The following CDH13 variants were observed in gnomAD, a reference collection of about 807,000 sequenced individuals.
CDH13 encodes cadherin 13.
A neutral mutation model predicts 63.8 loss-of-function variants in CDH13; 24 were observed. That is an observed-to-expected ratio of 0.38 (90% CI 0.27 to 0.53). CDH13 has a LOEUF of 0.53. CDH13 is among the 20% of genes least tolerant of loss of function. The pLI is 0.85. For synonymous variants in CDH13, 503 were observed against 355.3 expected (o/e 1.42, Z -4.67); for missense variants, 1,049 against 903.1 (o/e 1.16, Z -2.07).
At chr16:82,765,740 C>T (rs891171621) in intron 1 of CDH13, among the ~76,000 whole-genome samples, 1 of 152,148 alleles carries the variant, frequency 6.6e-6, no homozygotes, top group Non-Finnish European at 1.5e-5. Flanking sequence ...CAGTCTAACT[C>T]TCTGAGTGTC....
chr16:83,485,794 T>G (rs376182045), intron 6 of CDH13, among the ~76,000 whole-genome samples: 174 of 152,310 alleles, frequency 1.1e-3, no homozygotes, highest in African/African-American at 4.1e-3. Context: ...TGCCTCTTTG[T>G]ACTCCTGTTT....
chr16:83,476,983 T>C (rs532490809), intron 6 of CDH13, among the ~76,000 whole-genome samples: 3 of 152,330 alleles, frequency 2.0e-5, no homozygotes, highest in Admixed American at 1.3e-4. Context: ...AAAATCTTAC[T>C]GTCGAAGTCT....
intron 7 of CDH13, among the ~76,000 whole-genome samples, chr16:83,572,758 T>C (rs955108789): frequency 7.9e-5 from 12 of 152,248 alleles, no homozygotes; most frequent in African/African-American, 2.9e-4. Flanking sequence ...ACCCAAAATA[T>C]GCTTTGGAAA....
intron 3 of CDH13, among the ~76,000 whole-genome samples, chr16:83,084,013 A>T (rs1389419963): frequency 6.6e-6 from 1 of 152,180 alleles, no homozygotes; most frequent in African/African-American, 2.4e-5. Flanking sequence ...GCTGCTGTGG[A>T]CCTATCATAA....
intron 6 of CDH13, among the ~76,000 whole-genome samples, chr16:83,352,047 C>A (rs2090961611): frequency 6.6e-6 from 1 of 152,142 alleles, no homozygotes; most frequent in South Asian, 2.1e-4. Context: ...TGGCCCCTTT[C>A]CTTAGGTCAT....
chr16:83,180,868 A>T (rs2038326162), intron 4 of CDH13: 1 of 1,519,650 alleles, frequency 6.6e-7, no homozygotes, highest in Non-Finnish European at 8.8e-7. Context: ...TTTTTCTTAC[A>T]GAGAACCCAC....
chr16:83,344,810 T>C, intron 5 of CDH13, 52 bp from the exon 6 acceptor site: 1 of 1,593,654 alleles, frequency 6.3e-7, no homozygotes, highest in Admixed American at 1.7e-5. Context: ...TTATTTGAAT[T>C]TTCATAATGA....
At chr16:83,328,984 T>C (rs1472104086) in intron 5 of CDH13, among the ~76,000 whole-genome samples, 3 of 152,138 alleles carry the variant, frequency 2.0e-5, no homozygotes, top group Admixed American at 1.3e-4. Context: ...TATGCCTAGG[T>C]AGTCAAATTT....
At chr16:83,794,590 G>C (rs1261325719) in intron 13 of CDH13, among the ~76,000 whole-genome samples, 1 of 151,536 alleles carries the variant, frequency 6.6e-6, no homozygotes, top group Non-Finnish European at 1.5e-5. Flanking sequence ...ACCACCAATA[G>C]GTATCTTGCT....
intron 11 of CDH13, among the ~76,000 whole-genome samples, chr16:83,749,449 A>G (rs1401996304): frequency 6.6e-6 from 1 of 152,212 alleles, no homozygotes; most frequent in East Asian, 1.9e-4. Context: ...CAAAACTAGA[A>G]GGGGGCACAG....
intron 2 of CDH13, among the ~76,000 whole-genome samples, chr16:83,015,377 A>T (rs933064622): frequency 1.3e-5 from 2 of 151,788 alleles, no homozygotes; most frequent in African/African-American, 2.4e-5. Context: ...CTCCACCCTC[A>T]AAGTTCCTTG....
chr16:83,081,670 T>C (rs2033259049), intron 3 of CDH13, among the ~76,000 whole-genome samples: 1 of 151,998 alleles, frequency 6.6e-6, no homozygotes, highest in South Asian at 2.1e-4. Context: ...GCCTTTTCAT[T>C]GTAAACTCAC....
In CDH13 at chr16:82,853,401, A is replaced by C. The variant is rs2039571248; in HGVS notation, c.46-4961A>C. Among the ~76,000 whole-genome samples the C allele has an allele frequency of 2.0e-5, 3 of 152,236 alleles. No homozygotes were observed. The South Asian group carries it at 6.2e-4, about 32-fold the overall frequency. ...GAATCATGAATATGGATTTAAATAT[A>C]ATACATAGAAATAATAATAGCAAGC... On this transcript the variant is annotated intron_variant, in intron 1 of 13. Transcript: ENST00000567109.
chr16:82,694,030 A>C (rs371112577), intron 1 of CDH13, among the ~76,000 whole-genome samples: 15 of 152,386 alleles, frequency 9.8e-5, no homozygotes, highest in African/African-American at 3.1e-4. Context: ...CAATGTCCAC[A>C]TCTGGATTAA....
At chr16:83,451,304 G>T (rs937625232) in intron 6 of CDH13, among the ~76,000 whole-genome samples, 3 of 152,142 alleles carry the variant, frequency 2.0e-5, no homozygotes. Flanking sequence ...ATGGCAGCAG[G>T]CAAGAGAAAG....
chr16:82,827,102 C>G (rs1279920137), intron 1 of CDH13, among the ~76,000 whole-genome samples: 2 of 152,200 alleles, frequency 1.3e-5, no homozygotes, highest in South Asian at 2.1e-4. Flanking sequence ...TCAGGCAACA[C>G]AGCCTTAGCC....
At position 82,858,352 on chromosome 16, in the gene CDH13, G is replaced by C. The variant is rs764213294; in HGVS notation, c.46-10G>C. The C allele has an allele frequency of 9.4e-6, 15 of 1,596,618 alleles. No individual in the cohort carries two copies. The East Asian group carries it at 3.4e-4, about 36-fold the overall frequency. ...CGCTATTAAAATATTGATGGCTTTG[G>C]TTTTCTCAGGTGCTGCTGCTAACAT... On this transcript the variant is annotated splice_polypyrimidine_tract_variant and intron_variant, in intron 1 of 13. Coordinates refer to ENST00000567109, the MANE Select transcript of CDH13 (RefSeq NM_001257.5).
rs114124042 is a variant in CDH13, at chr16:83,437,247, G to C, written c.782-49230G>C. Among the ~76,000 whole-genome samples, 296 of 152,230 alleles carry C rather than the reference G, an allele frequency of 1.9e-3. 1 individual carries two copies. The highest frequency in any genetic ancestry group is 6.9e-3 in the African/African-American group (287 of 41,526). On this transcript the variant is annotated intron_variant, in intron 6 of 13. Coordinates refer to ENST00000567109, the MANE Select transcript of CDH13 (RefSeq NM_001257.5). ...AGTTACTTGACCTCTCTGTGTCTCA[G>C]TTTCCTTCTTTGTTAGATCGGATAA... is the stretch of plus-strand genomic sequence containing the variant.
chr16:82,666,416 T>A (rs535937378), intron 1 of CDH13, among the ~76,000 whole-genome samples: 6 of 152,324 alleles, frequency 3.9e-5, no homozygotes, highest in African/African-American at 1.4e-4. Context: ...CTCCAATCAA[T>A]GGATGACCAT....
Sources: allele counts gnomAD v4.1 joint callset (sites outside exome capture counted in the v4.1 genomes callset), GRCh38; gene constraint gnomAD v4.1.1; transcripts MANE v1.5; gene names NCBI Gene and HGNC (gene_info 2026-07-23, HGNC 2026-07-21).